Variants in FOXJ3 observed in about 807,000 individuals in gnomAD.
FOXJ3 encodes the protein forkhead box protein J3.
FOXJ3 carries 22 observed loss-of-function variants against 76.1 expected under a neutral mutation model. The ratio of observed to expected loss-of-function variants is 0.29; its 90% CI spans 0.21 to 0.41. The LOEUF (loss-of-function observed/expected upper bound fraction) is 0.41, where lower values mean the gene tolerates loss of function less well. FOXJ3 is among the 10% of genes least tolerant of loss of function. FOXJ3 has a pLI of 1.00. For missense variants in FOXJ3, 613 were observed against 762.1 expected (o/e 0.80, Z 2.30); for synonymous variants, 269 against 261.2 (o/e 1.03, Z -0.29).
chr1:42,305,327 T>C (rs1304654970), intron 2 of FOXJ3, among the ~76,000 whole-genome samples: 1 of 152,158 alleles, frequency 6.6e-6, no homozygotes, highest in East Asian at 1.9e-4. Flanking sequence ...ACCACTATGG[T>C]GAACAGTTTG....
rs1457223136 is a variant in FOXJ3, at chr1:42,176,588, C to A, written c.*3122G>T. Reference sequence around the variant, plus strand: ...ATATTTATTTTAAGTGCCATTCATGCATATCAGTTCTGGCAGCAACAATCC... The same window carrying A: ...ATATTTATTTTAAGTGCCATTCATGAATATCAGTTCTGGCAGCAACAATCC... On this transcript the variant is annotated 3_prime_UTR_variant, in exon 13 of 13. Transcript: ENST00000361346. 1 of 152,624 alleles carries A rather than the reference C, an allele frequency of 6.6e-6. No homozygotes were observed. The highest frequency in any genetic ancestry group is 6.5e-5 in the Admixed American group (1 of 15,280). The allele number at this position is 152,624 out of a possible 1,614,324, so 9.5% of individuals were successfully genotyped here. A position where few individuals can be genotyped will look rare whatever the true frequency, so the allele number is the denominator to read the frequency against.
intron 5 of FOXJ3, among the ~76,000 whole-genome samples, chr1:42,206,937 T>C (rs1557637230): frequency 6.6e-6 from 1 of 152,110 alleles, no homozygotes; most frequent in Non-Finnish European, 1.5e-5. Context: ...CTCAAGCGAT[T>C]CTCTTGCCTC....
At position 42,278,636 on chromosome 1, in the gene FOXJ3, C is replaced by T; in HGVS notation, c.81G>A (p.Met27Ile). 6.2e-7 allele frequency: 1 copy of T among 1,614,000 alleles called. No homozygotes were observed. Among genetic ancestry groups the T allele is most frequent in the Non-Finnish European group, 8.5e-7 (1 of 1,179,942 alleles). Reference protein sequence around the residue: ...TSELESSLTSMDWLPQLTMRA... With the variant: ...TSELESSLTSIDWLPQLTMRA... The stretch of plus-strand genomic sequence containing the variant: ...TCATGGTGAGCTGTGGTAACCAGTC[C>T]ATAGACGTTAGGCTGCTCTCCAGTT... The change falls in exon 3 of 13, where the codon ATG becomes ATA. Residue 27 changes from methionine to isoleucine, a missense_variant. Around this residue, in one of 3 missense-constraint regions of FOXJ3, gnomAD observed 77 missense variants for 115.1 expected, o/e 0.67. Coordinates refer to ENST00000361346, the MANE Select transcript of FOXJ3 (RefSeq NM_014947.5).
At chr1:42,242,878 GT>G (rs1283636468) in intron 4 of FOXJ3, among the ~76,000 whole-genome samples, 1 of 152,042 alleles carries the variant, frequency 6.6e-6, no homozygotes, top group Non-Finnish European at 1.5e-5. Context: ...ATCCAAAAAG[GT>G]TTTCTTTGTG....
intron 6 of FOXJ3, among the ~76,000 whole-genome samples, chr1:42,200,509 C>T (rs1350468275): frequency 1.3e-5 from 2 of 152,160 alleles, no homozygotes; most frequent in East Asian, 1.9e-4. Context: ...GACGGAGTCT[C>T]GCTTTGTCGC....
At chr1:42,291,432 T>C (rs1653430820) in intron 2 of FOXJ3, among the ~76,000 whole-genome samples, 2 of 152,070 alleles carry the variant, frequency 1.3e-5, no homozygotes, top group South Asian at 2.1e-4. Flanking sequence ...TCAAAGACAG[T>C]GTTAGGAGAA....
intron 4 of FOXJ3, among the ~76,000 whole-genome samples, chr1:42,258,058 G>A (rs1484996747): frequency 6.6e-6 from 1 of 152,138 alleles, no homozygotes; most frequent in Non-Finnish European, 1.5e-5. Context: ...ATTCCAAATG[G>A]TGAAATCTAT....
At chr1:42,302,334 G>A (rs1224344187) in intron 2 of FOXJ3, among the ~76,000 whole-genome samples, 1 of 152,242 alleles carries the variant, frequency 6.6e-6, no homozygotes, top group African/African-American at 2.4e-5. Context: ...TGTGATCCTT[G>A]TTTACAGAGA....
chr1:42,315,360 A>G lies in FOXJ3; in HGVS notation c.-17-4250T>C, dbSNP rs1655044322. 11 of 942,984 alleles carry G rather than the reference A, an allele frequency of 1.2e-5. No individual in the cohort carries two copies. In the South Asian group the frequency reaches 5.4e-4, roughly 46 times the overall value. The allele number at this position is 942,984 out of a possible 1,614,324, so 58.4% of individuals were successfully genotyped here. A position where few individuals can be genotyped will look rare whatever the true frequency, so the allele number is the denominator to read the frequency against. ...GTGATTTTTACCTGAATAAAAAGCTAATTTTTTTAAAGGTACTGTCTTGCT... is the reference window on the plus strand; with the variant it reads ...GTGATTTTTACCTGAATAAAAAGCTGATTTTTTTAAAGGTACTGTCTTGCT... On this transcript the variant is annotated intron_variant, in intron 1 of 12. Transcript: ENST00000361346.
At chr1:42,303,527 C>G (rs1034977578) in intron 2 of FOXJ3, among the ~76,000 whole-genome samples, 1 of 152,162 alleles carries the variant, frequency 6.6e-6, no homozygotes, top group Non-Finnish European at 1.5e-5. Context: ...TCATCAATTT[C>G]AAGAGGAGGG....
intron 5 of FOXJ3, among the ~76,000 whole-genome samples, chr1:42,223,522 G>C (rs1026608214): frequency 6.6e-6 from 1 of 152,110 alleles, no homozygotes; most frequent in African/African-American, 2.4e-5. Context: ...TGCATGCTGT[G>C]TCTCCAAGTG....
At position 42,239,806 on chromosome 1, in the gene FOXJ3, T is replaced by A. The variant is rs537146260; in HGVS notation, c.445-11840A>T. On this transcript the variant is annotated intron_variant, in intron 4 of 12. Transcript: ENST00000361346. ...ATATTCTCCTGTTTAGATTTATAAATTCCAAGTAGAATGATGAATCCAACC... is the reference window on the plus strand; with the variant it reads ...ATATTCTCCTGTTTAGATTTATAAAATCCAAGTAGAATGATGAATCCAACC... Among the ~76,000 whole-genome samples the A allele has an allele frequency of 3.3e-4, 50 of 152,320 alleles. 1 individual carries two copies. Among genetic ancestry groups the A allele is most frequent in the Admixed American group, 3.3e-4 (5 of 15,300 alleles).
intron 6 of FOXJ3, among the ~76,000 whole-genome samples, chr1:42,204,660 C>T (rs343363): frequency 1 from 151,706 of 151,916 alleles, 75,748 homozygotes; most frequent in Middle Eastern, 1. Context: ...ACTGATTTGG[C>T]AGAATTGCAA....
intron 2 of FOXJ3, among the ~76,000 whole-genome samples, chr1:42,279,776 G>A (rs1652559775): frequency 6.6e-6 from 1 of 151,700 alleles, no homozygotes; most frequent in South Asian, 2.1e-4. Flanking sequence ...ACTTCTAAGT[G>A]ATATCAAAAT....
At chr1:42,243,710 A>G (rs1003996394) in intron 4 of FOXJ3, among the ~76,000 whole-genome samples, 2 of 152,248 alleles carry the variant, frequency 1.3e-5, no homozygotes, top group African/African-American at 2.4e-5. Flanking sequence ...CAATTCACCA[A>G]GAAGATACAA....
In FOXJ3 at chr1:42,179,593, T is replaced by C; in HGVS notation, c.*117A>G. On this transcript the variant is annotated 3_prime_UTR_variant, in exon 13 of 13. Transcript: ENST00000361346. ...CTTCTGATTGTCTTCAAAAGTAATT[T>C]TGATAACATTGGTAAAGTGATTAGC... 1 of 630,950 alleles carries C rather than the reference T, an allele frequency of 1.6e-6. No individual in the cohort carries two copies. 39.1% of individuals were successfully genotyped at this position (630,950 alleles called of 1,614,324 possible). A position where few individuals can be genotyped will look rare whatever the true frequency, so the allele number is the denominator to read the frequency against.
At chr1:42,280,757 TA>T (rs1433560498) in intron 2 of FOXJ3, among the ~76,000 whole-genome samples, 1 of 152,156 alleles carries the variant, frequency 6.6e-6, no homozygotes, top group African/African-American at 2.4e-5. Flanking sequence ...TGAAAAAATT[TA>T]AATAGTTCCC....
chr1:42,320,527 T>C (rs1054155920), intron 1 of FOXJ3, among the ~76,000 whole-genome samples: 3 of 152,192 alleles, frequency 2.0e-5, no homozygotes, highest in East Asian at 3.8e-4. Flanking sequence ...GAAAAAGGTA[T>C]ATGAAATTAG....
intron 5 of FOXJ3, among the ~76,000 whole-genome samples, chr1:42,212,414 C>A (rs545755328): frequency 6.6e-6 from 1 of 152,062 alleles, no homozygotes; most frequent in East Asian, 1.9e-4. Context: ...AAATAAAAGA[C>A]CTATTTAGAG....
Sources: allele counts gnomAD v4.1 joint callset (sites outside exome capture counted in the v4.1 genomes callset), GRCh38; gene constraint gnomAD v4.1.1; regional missense constraint gnomAD v4.1.1; transcripts MANE v1.5; gene names NCBI Gene and HGNC (gene_info 2026-07-23, HGNC 2026-07-21).